The following RUFY1 variants were observed in gnomAD, a reference collection of about 807,000 sequenced individuals.
RUFY1 encodes RUN and FYVE domain-containing protein 1.
Under a neutral mutation model 94.6 loss-of-function variants are expected in RUFY1, and 54 were observed. That is an observed-to-expected ratio of 0.57 (90% CI 0.46 to 0.72). The LOEUF is 0.72. Ranked by LOEUF, RUFY1 falls within the 30% of genes least tolerant of loss-of-function variation. RUFY1 has a pLI of 0.00. For missense variants in RUFY1, 883 were observed against 883.9 expected (o/e 1.00, Z 0.01); for synonymous variants, 396 against 347.3 (o/e 1.14, Z -1.56).
chr5:179,569,946 G>A (rs889692274), intron 5 of RUFY1, among the ~76,000 whole-genome samples: 11 of 152,184 alleles, frequency 7.2e-5, no homozygotes, highest in Non-Finnish European at 1.5e-4. Context: ...GGGTTTCACC[G>A]TGTTAGCCAG....
chr5:179,565,104 G>GGGAT (rs1762739430), intron 3 of RUFY1, among the ~76,000 whole-genome samples: 1 of 151,904 alleles, frequency 6.6e-6, no homozygotes, highest in South Asian at 2.1e-4. Context: ...ATAGGGGAGG[G>GGGAT]GGATGGGAAG....
intron 12 of RUFY1, 37 bp from the exon 13 acceptor site, chr5:179,596,524 AT>A (rs1562082964): frequency 2.5e-6 from 4 of 1,613,306 alleles, no homozygotes; most frequent in Non-Finnish European, 2.5e-6. Flanking sequence ...CCTTACAAAG[AT>A]TTGCTTCATT....
At chr5:179,563,107 A>G (rs1762567865) in intron 3 of RUFY1, among the ~76,000 whole-genome samples, 1 of 152,154 alleles carries the variant, frequency 6.6e-6, no homozygotes. Flanking sequence ...CTTAGGCTCA[A>G]AATCAAAAAC....
chr5:179,608,947 G>C (rs529395726), intron 17 of RUFY1, among the ~76,000 whole-genome samples: 1 of 147,520 alleles, frequency 6.8e-6, no homozygotes, highest in African/African-American at 2.5e-5. Context: ...GCCGGGCGCG[G>C]TGTTTCACGC....
chr5:179,552,182 A>C (rs6869123), intron 1 of RUFY1, among the ~76,000 whole-genome samples: 8 of 149,844 alleles, frequency 5.3e-5, no homozygotes, highest in African/African-American at 1.7e-4. Flanking sequence ...AAAAAAAAAA[A>C]AAAAACTTGT....
At chr5:179,598,940 T>C in intron 14 of RUFY1, 119 bp downstream of exon 14, 1 of 1,112,944 alleles carries the variant, frequency 9.0e-7, no homozygotes, top group Non-Finnish European at 1.3e-6. Flanking sequence ...CTCCAGGGTG[T>C]GGGGAGGCTG....
At chr5:179,564,825 GT>G (rs535296599) in intron 3 of RUFY1, among the ~76,000 whole-genome samples, 1 of 151,910 alleles carries the variant, frequency 6.6e-6, no homozygotes, top group African/African-American at 2.4e-5. Flanking sequence ...AACCACCCTA[GT>G]TTTTTTTAAC....
At chr5:179,551,058 C>T (rs758685746) in intron 1 of RUFY1, among the ~76,000 whole-genome samples, 179 bp downstream of exon 1, 20 of 151,236 alleles carry the variant, frequency 1.3e-4, no homozygotes, top group Non-Finnish European at 2.8e-4. Flanking sequence ...CCAGCCGAGA[C>T]CGCCCCCCGC....
intron 14 of RUFY1, chr5:179,599,253 T>G (rs1391399139): frequency 6.2e-6 from 1 of 160,698 alleles, no homozygotes; most frequent in African/African-American, 2.4e-5. Flanking sequence ...GGAAGGAACG[T>G]GGGTTTTATT....
In RUFY1 at chr5:179,580,937, C is replaced by CT. The variant is rs750299168; in HGVS notation, c.891-6dup. ...AAAAAAGTTCTTCCTTCTTATGCTC[C>CT]TTTTAAAAGGCATGAAAGAATTACT... On this transcript the variant is annotated splice_polypyrimidine_tract_variant and intron_variant, in intron 6 of 17. Coordinates refer to ENST00000319449, the MANE Select transcript of RUFY1 (RefSeq NM_025158.5). 6.4e-7 allele frequency: 1 copy of CT among 1,559,412 alleles called. No individual in the cohort carries two copies. The highest frequency in any genetic ancestry group is 1.4e-5 in the African/African-American group (1 of 72,974).
intron 1 of RUFY1, among the ~76,000 whole-genome samples, chr5:179,558,465 G>C (rs1409060845): frequency 6.6e-6 from 1 of 151,968 alleles, no homozygotes; most frequent in Non-Finnish European, 1.5e-5. Context: ...CCAGCTACTC[G>C]GGAGTCTGAA....
At chr5:179,589,467 A>G in intron 8 of RUFY1, 79 bp from the exon 9 acceptor site, 2 of 900,314 alleles carry the variant, frequency 2.2e-6, no homozygotes, top group Non-Finnish European at 3.7e-6. Flanking sequence ...TCAACTGTGA[A>G]GATGCCAAAT....
Position 179,550,863 on chromosome 5 carries a change from C to G in RUFY1, c.294C>G (p.Asp98Glu), listed in dbSNP as rs562964293. The G allele has an allele frequency of 8.5e-7, 1 of 1,179,124 alleles. No individual in the cohort carries two copies. The highest frequency in any genetic ancestry group is 1.6e-5 in the African/African-American group (1 of 61,624). 73.0% of individuals were successfully genotyped at this position (1,179,124 alleles called of 1,614,324 possible). Residue 98 changes from aspartate (D) to glutamate (E), a missense_variant, in exon 1 of 18, where the codon GAC (aspartate) becomes GAG (glutamate). Physicochemically the swap from Asp to Glu is conservative, Grantham distance 45. Transcript: ENST00000319449. The stretch of plus-strand genomic sequence containing the variant: ...GGCTGGGCGGCGGGGACAGCGGGGA[C>G]GGCACGGCGCGCGCAGGTAGGCTCG... ...AAGLGGGDSGDGTARAASKCQ... is the reference protein window; with the variant it reads ...AAGLGGGDSGEGTARAASKCQ...
intron 3 of RUFY1, among the ~76,000 whole-genome samples, chr5:179,564,306 G>C (rs1333272353): frequency 6.6e-6 from 1 of 151,486 alleles, no homozygotes; most frequent in African/African-American, 2.4e-5. Flanking sequence ...CTTTAGTAGA[G>C]ATGGGGTTTC....
intron 10 of RUFY1, among the ~76,000 whole-genome samples, chr5:179,592,278 C>T (rs1040001928): frequency 2.0e-5 from 3 of 152,208 alleles, no homozygotes; most frequent in African/African-American, 7.2e-5. Context: ...CGCCACCATG[C>T]CTGGCTAATA....
At chr5:179,577,956 A>G (rs1011148237) in intron 6 of RUFY1, among the ~76,000 whole-genome samples, 1 of 152,042 alleles carries the variant, frequency 6.6e-6, no homozygotes, top group Admixed American at 6.6e-5. Context: ...ATACAGAAGC[A>G]GTGCATTATT....
intron 1 of RUFY1, among the ~76,000 whole-genome samples, chr5:179,552,175 A>AAAAAAC (rs1761893938): frequency 6.6e-6 from 1 of 150,914 alleles, no homozygotes; most frequent in Admixed American, 6.6e-5. Context: ...AAAAAAAAAA[A>AAAAAAC]AAAAAAAAAA....
chr5:179,606,810 T>C (rs1257112507), intron 16 of RUFY1: 2 of 152,362 alleles, frequency 1.3e-5, no homozygotes, highest in Non-Finnish European at 2.9e-5. Flanking sequence ...CAAGGGTATA[T>C]GGCTCTAGCT....
At chr5:179,604,012 G>A (rs551665952) in intron 15 of RUFY1, among the ~76,000 whole-genome samples, 11 of 152,324 alleles carry the variant, frequency 7.2e-5, no homozygotes, top group South Asian at 6.2e-4. Flanking sequence ...AGCCGAGATC[G>A]CGCCATTGCA....
Sources: gnomAD v4.1 joint callset for allele counts (sites outside exome capture counted in the v4.1 genomes callset) on GRCh38, gnomAD v4.1.1 for gene constraint, MANE v1.5 for transcripts, NCBI Gene and HGNC (gene_info 2026-07-23, HGNC 2026-07-21) for gene names.